The following AKAP6 variants were observed in gnomAD, a reference collection of about 807,000 sequenced individuals.
The protein encoded by AKAP6 is A-kinase anchor protein 6.
Under a neutral mutation model 188.5 loss-of-function variants are expected in AKAP6, and 58 were observed. The ratio of observed to expected loss-of-function variants is 0.31; its 90% CI spans 0.25 to 0.38. AKAP6 has a LOEUF of 0.38. Ranked by LOEUF, AKAP6 falls within the 10% of genes least tolerant of loss-of-function variation. The pLI, the probability that AKAP6 is intolerant of heterozygous loss-of-function variation, is 1.00. For synonymous variants in AKAP6, 989 were observed against 998.6 expected (o/e 0.99, Z 0.18); for missense variants, 2,710 against 2,740.0 (o/e 0.99, Z 0.24).
chr14:32,570,072 C>T (rs1053485199), intron 4 of AKAP6, among the ~76,000 whole-genome samples: 1 of 148,360 alleles, frequency 6.7e-6, no homozygotes, highest in Non-Finnish European at 1.5e-5. Context: ...ACTCCCTCTT[C>T]TAAATGCCCA....
Position 32,350,752 on chromosome 14 carries a change from A to G in AKAP6, c.-35+21344A>G, listed in dbSNP as rs150014634. Among the ~76,000 whole-genome samples the G allele has an allele frequency of 3.3e-5, 5 of 152,172 alleles. No individual in the cohort carries two copies. The East Asian group carries it at 9.6e-4, about 29-fold the overall frequency. ...AAAATTATAACAAAATAAAAAATGT[A>G]TTAAATGAATAAGTAAATAAATATA... On this transcript the variant is annotated intron_variant, in intron 1 of 13. Transcript: ENST00000280979.
chr14:32,491,626 T>C (rs1880021281), intron 2 of AKAP6, among the ~76,000 whole-genome samples: 1 of 152,206 alleles, frequency 6.6e-6, no homozygotes, highest in African/African-American at 2.4e-5. Context: ...CATGACAACC[T>C]CTCTGGACCT....
intron 10 of AKAP6, 146 bp downstream of exon 10, chr14:32,732,746 G>T: frequency 4.4e-6 from 4 of 915,322 alleles, no homozygotes; most frequent in South Asian, 3.2e-5. Flanking sequence ...ATGCTATTAT[G>T]GGAAAGACAC....
At chr14:32,679,847 CAGAGGAAAAACATAGCAGCAAATA>C (rs529906212) in intron 8 of AKAP6, among the ~76,000 whole-genome samples, 88 of 152,116 alleles carry the variant, frequency 5.8e-4, no homozygotes, top group Non-Finnish European at 1.2e-3. Flanking sequence ...ATTTATTCAC[CAGAGGAAAAACATAGCAGCAAATA>C]AGAAAGAAAA....
At chr14:32,733,901 C>G (rs181195118) in intron 10 of AKAP6, 1 of 152,136 alleles carries the variant, frequency 6.6e-6, no homozygotes, top group East Asian at 1.9e-4. Flanking sequence ...AGCGATAAGT[C>G]TGTTTACATT....
intron 5 of AKAP6, among the ~76,000 whole-genome samples, chr14:32,598,791 T>A (rs1436548306): frequency 3.3e-5 from 5 of 152,120 alleles, no homozygotes; most frequent in African/African-American, 1.2e-4. Flanking sequence ...TGGATAACTA[T>A]CATGAGTGAA....
intron 1 of AKAP6, among the ~76,000 whole-genome samples, chr14:32,358,876 A>G (rs2138478276): frequency 6.6e-6 from 1 of 152,270 alleles, no homozygotes; most frequent in Non-Finnish European, 1.5e-5. Flanking sequence ...TCATTGTTGG[A>G]CTGATTGGCC....
chr14:32,569,125 G>T (rs1189260098), intron 4 of AKAP6, among the ~76,000 whole-genome samples: 2 of 152,140 alleles, frequency 1.3e-5, no homozygotes, highest in African/African-American at 4.8e-5. Context: ...TCTACATGAT[G>T]CTGAGTTCAG....
intron 2 of AKAP6, among the ~76,000 whole-genome samples, chr14:32,525,619 CTGCTGACATTACT>C: frequency 6.6e-6 from 1 of 152,336 alleles, no homozygotes; most frequent in Non-Finnish European, 1.5e-5. Flanking sequence ...ATGTCAGTGA[CTGCTGACATTACT>C]TGCTGAGTAA....
At chr14:32,628,842 G>A (rs77048318) in intron 7 of AKAP6, among the ~76,000 whole-genome samples, 350 of 152,114 alleles carry the variant, frequency 2.3e-3, no homozygotes, top group Middle Eastern at 0.014. Flanking sequence ...TAAGGTAGCA[G>A]TATCTGTGAA....
At position 32,823,442 on chromosome 14, in the gene AKAP6, G is replaced by A. The variant is rs779609551; in HGVS notation, c.5629G>A (p.Glu1877Lys). The A allele has an allele frequency of 2.5e-6, 4 of 1,613,258 alleles. No individual in the cohort carries two copies. The highest frequency in any genetic ancestry group is 3.4e-6 in the Non-Finnish European group (4 of 1,179,842). Residue 1877 changes from glutamate to lysine, a missense_variant, in exon 13 of 14, where the codon GAA (glutamate) becomes AAA (lysine). Transcript: ENST00000280979. The part of the protein sequence containing the change: ...SHTHELGTKR[E>K]NKKTIFKVNK... ...TACCCATGAGTTAGGGACAAAGCGT[G>A]AAAATAAGAAAACTATTTTCAAAGT... is the stretch of plus-strand genomic sequence containing the variant.
At chr14:32,354,858 C>T (rs998829869) in intron 1 of AKAP6, among the ~76,000 whole-genome samples, 1 of 152,240 alleles carries the variant, frequency 6.6e-6, no homozygotes, top group African/African-American at 2.4e-5. Flanking sequence ...CTTTTGCCTT[C>T]TGGCAGCATG....
At chr14:32,581,944 A>T (rs1326365147) in intron 5 of AKAP6, among the ~76,000 whole-genome samples, 4 of 152,080 alleles carry the variant, frequency 2.6e-5, no homozygotes, top group Admixed American at 2.0e-4. Context: ...TTGACACTTT[A>T]TCCAATTTGC....
intron 2 of AKAP6, among the ~76,000 whole-genome samples, chr14:32,510,402 A>G (rs868647377): frequency 0.29 from 38,011 of 128,952 alleles, 6,481 homozygotes; most frequent in East Asian, 0.37. Context: ...GTGTATATAT[A>G]TGTATATATA....
chr14:32,587,699 T>C (rs764398545), intron 5 of AKAP6, among the ~76,000 whole-genome samples: 1 of 152,222 alleles, frequency 6.6e-6, no homozygotes, highest in African/African-American at 2.4e-5. Flanking sequence ...AGAAATCTCA[T>C]GACCAACATG....
At chr14:32,688,896 A>C (rs1044932327) in intron 8 of AKAP6, among the ~76,000 whole-genome samples, 1 of 152,146 alleles carries the variant, frequency 6.6e-6, no homozygotes, top group Admixed American at 6.6e-5. Flanking sequence ...GCAACAGACA[A>C]TTATTTACAG....
chr14:32,701,375 A>G (rs980485203), intron 9 of AKAP6, among the ~76,000 whole-genome samples: 1 of 152,138 alleles, frequency 6.6e-6, no homozygotes, highest in Admixed American at 6.5e-5. Context: ...AAAGAGGGAA[A>G]TGTGTCCAGT....
chr14:32,446,281 G>A (rs571093202), intron 2 of AKAP6, among the ~76,000 whole-genome samples: 34 of 152,266 alleles, frequency 2.2e-4, no homozygotes, highest in South Asian at 8.3e-4. Flanking sequence ...CTATATAAAT[G>A]TGTTAATTCT....
At chr14:32,701,503 A>G (rs1471477865) in intron 9 of AKAP6, among the ~76,000 whole-genome samples, 1 of 152,178 alleles carries the variant, frequency 6.6e-6, no homozygotes, top group Non-Finnish European at 1.5e-5. Context: ...ACAAGGGCTT[A>G]GAATGGTATG....
Sources: allele counts gnomAD v4.1 joint callset (sites outside exome capture counted in the v4.1 genomes callset), GRCh38; gene constraint gnomAD v4.1.1; transcripts MANE v1.5; gene names NCBI Gene and HGNC (gene_info 2026-07-23, HGNC 2026-07-21).